Variants in RSRC1 observed in about 807,000 individuals in gnomAD.
RSRC1 encodes arginine and serine rich coiled-coil 1, also known as serine/Arginine-related protein 53.
A neutral mutation model predicts 49.1 loss-of-function variants in RSRC1; 39 were observed. The observed-to-expected ratio is 0.79, with a 90% CI of 0.61 to 1.04. RSRC1 has a LOEUF of 1.04. RSRC1 is among the 50% of genes least tolerant of loss of function. The pLI is 0.00. For synonymous variants in RSRC1, 143 were observed against 130.8 expected (o/e 1.09, Z -0.63); for missense variants, 388 against 402.4 (o/e 0.96, Z 0.31).
chr3:158,293,892 A>G (rs1727084666), intron 4 of RSRC1, among the ~76,000 whole-genome samples: 1 of 152,066 alleles, frequency 6.6e-6, no homozygotes, highest in African/African-American at 2.4e-5. Flanking sequence ...GGGAAATCTA[A>G]TATCAGTGAT....
At chr3:158,367,848 GTTAAT>G (rs773285147) in intron 6 of RSRC1, among the ~76,000 whole-genome samples, 7 of 152,084 alleles carry the variant, frequency 4.6e-5, no homozygotes, top group Non-Finnish European at 8.8e-5. Flanking sequence ...AATTCCTAAT[GTTAAT>G]TTAACTTCCA....
chr3:158,208,185 A>AT (rs1457196133), intron 4 of RSRC1, among the ~76,000 whole-genome samples: 1 of 152,088 alleles, frequency 6.6e-6, no homozygotes, highest in Non-Finnish European at 1.5e-5. Context: ...GTTTCTAAGA[A>AT]TATTTTCTCC....
chr3:158,172,056 G>A (rs1240813425), intron 3 of RSRC1, among the ~76,000 whole-genome samples: 2 of 151,938 alleles, frequency 1.3e-5, no homozygotes, highest in African/African-American at 4.8e-5. Context: ...AGGAAAACTC[G>A]GTAACATGTG....
chr3:158,461,039 C>T, intron 7 of RSRC1, 36 bp downstream of exon 7: 1 of 1,481,188 alleles, frequency 6.8e-7, no homozygotes, highest in South Asian at 1.2e-5. Flanking sequence ...TGAGAAATCA[C>T]TATTTGGCTG....
intron 4 of RSRC1, among the ~76,000 whole-genome samples, chr3:158,257,613 G>T (rs1724640353): frequency 6.6e-6 from 1 of 152,020 alleles, no homozygotes; most frequent in African/African-American, 2.4e-5. Flanking sequence ...CCTTTTGATT[G>T]GAGAGTTTGG....
At chr3:158,478,384 T>C (rs1164543598) in intron 7 of RSRC1, among the ~76,000 whole-genome samples, 3 of 151,998 alleles carry the variant, frequency 2.0e-5, no homozygotes, top group Non-Finnish European at 1.5e-5. Context: ...GATTTATTTG[T>C]AGAGATAGTA....
At chr3:158,339,808 GAACAATTAATTA>G (rs1416362895) in intron 5 of RSRC1, among the ~76,000 whole-genome samples, 1 of 152,150 alleles carries the variant, frequency 6.6e-6, no homozygotes, top group Non-Finnish European at 1.5e-5. Context: ...ACAGACAACA[GAACAATTAATTA>G]AACTGAAAAT....
chr3:158,312,204 A>G lies in RSRC1; in HGVS notation c.531+14129A>G, dbSNP rs558760148. On this transcript the variant is annotated intron_variant, in intron 5 of 9. Transcript: ENST00000611884. ...AAAGACTCATTCCTACTCTGGTGAG[A>G]AAAGCTGTCACTGAAAAAAGCTAAA... Among the ~76,000 whole-genome samples the G allele has an allele frequency of 2.6e-5, 4 of 151,296 alleles. No homozygotes were observed. In the East Asian group the frequency reaches 7.7e-4, roughly 29 times the overall value.
At chr3:158,436,819 C>A (rs1221535840) in intron 6 of RSRC1, among the ~76,000 whole-genome samples, 1 of 151,786 alleles carries the variant, frequency 6.6e-6, no homozygotes, top group African/African-American at 2.4e-5. Context: ...CATATATGAA[C>A]TCATTCAACT....
chr3:158,239,356 C>G (rs536496915), intron 4 of RSRC1, among the ~76,000 whole-genome samples: 1 of 152,176 alleles, frequency 6.6e-6, no homozygotes, highest in Non-Finnish European at 1.5e-5. Context: ...AATTCCATTA[C>G]TGGGTGTATA....
chr3:158,126,490 C>T (rs1045636088), intron 3 of RSRC1, among the ~76,000 whole-genome samples: 2 of 152,044 alleles, frequency 1.3e-5, no homozygotes, highest in Non-Finnish European at 2.9e-5. Flanking sequence ...TGTTTCTCCA[C>T]TTCTATTTTA....
chr3:158,261,148 G>C, intron 4 of RSRC1, among the ~76,000 whole-genome samples: 1 of 152,222 alleles, frequency 6.6e-6, no homozygotes, highest in East Asian at 1.9e-4. Flanking sequence ...ATCTTGCTCC[G>C]CCTTCCCTCT....
intron 4 of RSRC1, among the ~76,000 whole-genome samples, chr3:158,252,870 A>G (rs1317206096): frequency 6.6e-6 from 1 of 152,120 alleles, no homozygotes; most frequent in Non-Finnish European, 1.5e-5. Flanking sequence ...ATTTCTTGGC[A>G]TATAGTTTCT....
chr3:158,216,001 G>A lies in RSRC1; in HGVS notation c.494+12756G>A, dbSNP rs78982306. On this transcript the variant is annotated intron_variant, in intron 4 of 9. Transcript: ENST00000611884. ...AGATAATTTTTCTTTATCCTGAAGAGCATCCCTTATTATTTTTGTAAATTC... is the reference window on the plus strand; with the variant it reads ...AGATAATTTTTCTTTATCCTGAAGAACATCCCTTATTATTTTTGTAAATTC... Among the ~76,000 whole-genome samples the A allele has an allele frequency of 7.5e-3, 1,128 of 151,400 alleles. 5 individuals are homozygous for A. Among genetic ancestry groups the A allele is most frequent in the African/African-American group, 0.026 (1,071 of 41,330 alleles).
intron 4 of RSRC1, among the ~76,000 whole-genome samples, chr3:158,221,518 T>C (rs1208456084): frequency 6.6e-6 from 1 of 151,538 alleles, no homozygotes; most frequent in Non-Finnish European, 1.5e-5. Context: ...AATAAAATAG[T>C]CTACTTGTTG....
chr3:158,525,425 C>T (rs1423753804), intron 7 of RSRC1, among the ~76,000 whole-genome samples: 3 of 151,916 alleles, frequency 2.0e-5, no homozygotes, highest in Non-Finnish European at 4.4e-5. Flanking sequence ...AGATGTAGAG[C>T]ACCAGTACTC....
At chr3:158,294,889 G>C (rs1182953538) in intron 4 of RSRC1, among the ~76,000 whole-genome samples, 1 of 152,084 alleles carries the variant, frequency 6.6e-6, no homozygotes, top group Non-Finnish European at 1.5e-5. Flanking sequence ...AGAGACCTGA[G>C]CTGGTTGCTA....
chr3:158,268,734 C>T (rs1262256940), intron 4 of RSRC1, among the ~76,000 whole-genome samples: 2 of 152,108 alleles, frequency 1.3e-5, no homozygotes. Flanking sequence ...TTCTGCCACT[C>T]CTTCACTATT....
At chr3:158,432,767 A>C (rs1455236309) in intron 6 of RSRC1, among the ~76,000 whole-genome samples, 1 of 151,946 alleles carries the variant, frequency 6.6e-6, no homozygotes, top group Non-Finnish European at 1.5e-5. Context: ...ATTTCTCATA[A>C]TATCAGGCAT....
Sources: allele counts gnomAD v4.1 joint callset (sites outside exome capture counted in the v4.1 genomes callset), GRCh38; gene constraint gnomAD v4.1.1; transcripts MANE v1.5; gene names NCBI Gene and HGNC (gene_info 2026-07-23, HGNC 2026-07-21).